The following HSD17B3 variants were observed in gnomAD, a reference collection of about 807,000 sequenced individuals.
HSD17B3 encodes the protein hydroxysteroid 17-beta dehydrogenase 3.
A neutral mutation model predicts 41.1 loss-of-function variants in HSD17B3; 29 were observed. That is an observed-to-expected ratio of 0.71 (90% CI 0.53 to 0.96). HSD17B3 has a LOEUF of 0.96. HSD17B3 is among the 40% of genes least tolerant of loss of function. The probability of loss-of-function intolerance (pLI) is 0.00; values close to 1 mark genes in which losing one functional copy is unlikely to be tolerated. For missense variants in HSD17B3, 323 were observed against 374.6 expected, an observed-to-expected ratio of 0.86 and a Z score of 1.14; for synonymous variants, 126 against 145.6, an observed-to-expected ratio of 0.87 and a Z score of 0.97.
chr9:96,242,364 A>T (rs1836491495), intron 9 of HSD17B3, among the ~76,000 whole-genome samples: 1 of 152,214 alleles, frequency 6.6e-6, no homozygotes. Flanking sequence ...AAACATATGT[A>T]CTTATTTCTT....
intron 9 of HSD17B3, among the ~76,000 whole-genome samples, chr9:96,241,670 C>G (rs1836443215): frequency 6.6e-6 from 1 of 152,138 alleles, no homozygotes; most frequent in African/African-American, 2.4e-5. Context: ...CATGGTGACT[C>G]ATGCCTGTAA....
chr9:96,290,456 C>CTTTTTTTT (rs61373611), intron 2 of HSD17B3, among the ~76,000 whole-genome samples: 2 of 78,416 alleles, frequency 2.6e-5, no homozygotes, highest in Non-Finnish European at 4.3e-5. Context: ...ATTTCCTGGG[C>CTTTTTTTT]TTTTTTTTTT....
At chr9:96,277,394 T>TA (rs540059292) in intron 2 of HSD17B3, among the ~76,000 whole-genome samples, 83 of 152,020 alleles carry the variant, frequency 5.5e-4, no homozygotes, top group Non-Finnish European at 8.1e-4. Flanking sequence ...AACGTGATTT[T>TA]AAAAAAGGAA....
At chr9:96,291,879 C>T (rs1485008774) in intron 2 of HSD17B3, among the ~76,000 whole-genome samples, 1 of 151,994 alleles carries the variant, frequency 6.6e-6, no homozygotes, top group Non-Finnish European at 1.5e-5. Context: ...ATCACTTGAA[C>T]CCGGGAGGCA....
intron 2 of HSD17B3, among the ~76,000 whole-genome samples, chr9:96,270,902 T>C (rs776273519): frequency 2.2e-5 from 3 of 139,114 alleles, no homozygotes; most frequent in Non-Finnish European, 4.6e-5. Flanking sequence ...AAAGTAAAAT[T>C]AATAATATTT....
intron 6 of HSD17B3, chr9:96,249,513 G>A: frequency 1.7e-6 from 1 of 580,222 alleles, no homozygotes; most frequent in Admixed American, 2.9e-5. Flanking sequence ...GTTCCAACGT[G>A]TGACAAAACT....
chr9:96,265,192 G>C (rs1587746480), intron 2 of HSD17B3, among the ~76,000 whole-genome samples: 1 of 151,744 alleles, frequency 6.6e-6, no homozygotes, highest in Non-Finnish European at 1.5e-5. Context: ...TAGCTTGACA[G>C]AGAAGCTGAC....
intron 2 of HSD17B3, among the ~76,000 whole-genome samples, chr9:96,290,367 T>C (rs1343889854): frequency 4.8e-5 from 7 of 144,886 alleles, no homozygotes; most frequent in Admixed American, 7.0e-5. Context: ...ACACAATACA[T>C]AAAACAAAGA....
intron 2 of HSD17B3, among the ~76,000 whole-genome samples, chr9:96,263,462 A>G (rs2130748220): frequency 6.6e-6 from 1 of 152,258 alleles, no homozygotes; most frequent in East Asian, 1.9e-4. Context: ...TCACGCCTGT[A>G]ATCCCAGCAC....
intron 2 of HSD17B3, among the ~76,000 whole-genome samples, chr9:96,260,727 T>C (rs994452132): frequency 6.6e-6 from 1 of 152,148 alleles, no homozygotes; most frequent in African/African-American, 2.4e-5. Context: ...ATCGCACCAC[T>C]GTACTCCAGC....
chr9:96,247,930 A>C (rs1420903219), intron 6 of HSD17B3, among the ~76,000 whole-genome samples: 4 of 152,242 alleles, frequency 2.6e-5, no homozygotes, highest in Admixed American at 2.6e-4. Flanking sequence ...TCATGCTTCT[A>C]ACCAGCATGG....
chr9:96,267,232 C>T (rs1255171947), intron 2 of HSD17B3, among the ~76,000 whole-genome samples: 2 of 150,904 alleles, frequency 1.3e-5, no homozygotes, highest in African/African-American at 4.9e-5. Flanking sequence ...TCTCGGCTCA[C>T]TGCAACCTCC....
At chr9:96,278,514 T>C (rs1481911462) in intron 2 of HSD17B3, among the ~76,000 whole-genome samples, 1 of 151,970 alleles carries the variant, frequency 6.6e-6, no homozygotes, top group African/African-American at 2.4e-5. Flanking sequence ...TTGAAATGGG[T>C]GTGGGGATGT....
intron 10 of HSD17B3, 94 bp downstream of exon 10, chr9:96,240,664 G>A (rs758221915): frequency 2.2e-5 from 28 of 1,254,162 alleles, no homozygotes; most frequent in Non-Finnish European, 3.0e-5. Flanking sequence ...ATCAATGAGT[G>A]CTCCAGCAGC....
chr9:96,244,145 C>G (rs910443879), intron 9 of HSD17B3, 184 bp downstream of exon 9: 25 of 695,766 alleles, frequency 3.6e-5, no homozygotes, highest in Admixed American at 6.2e-5. Flanking sequence ...GCAGGTGGGA[C>G]TGAGGCGCCC....
intron 2 of HSD17B3, among the ~76,000 whole-genome samples, chr9:96,263,538 A>G (rs2130748359): frequency 6.9e-6 from 1 of 144,796 alleles, no homozygotes; most frequent in Admixed American, 7.2e-5. Flanking sequence ...TAACACAGTG[A>G]AACCCCGTCT....
In HSD17B3 at chr9:96,252,804, T is replaced by C; in HGVS notation, c.384A>G (p.Leu128=). Residue 128 remains leucine (L), a splice_region_variant and synonymous_variant, in exon 4 of 11, where the codon TTA becomes TTG. Coordinates refer to ENST00000375263, the MANE Select transcript of HSD17B3 (RefSeq NM_000197.2). ...EKLAGLEIGI[L]VNNVGMLPNL... is the part of the protein sequence containing the mutation. ...CTTTGCATCTTGCAATTTACTCACCTAAAATTCCAATTTCTAAGCCTGCAA... is the reference window on the plus strand; with the variant it reads ...CTTTGCATCTTGCAATTTACTCACCCAAAATTCCAATTTCTAAGCCTGCAA... 6.4e-7 allele frequency: 1 copy of C among 1,572,858 alleles called. No homozygotes were observed. The highest frequency in any genetic ancestry group is 8.8e-7 in the Non-Finnish European group (1 of 1,142,464).
chr9:96,258,143 A>G (rs1165399267), intron 2 of HSD17B3, among the ~76,000 whole-genome samples: 1 of 152,204 alleles, frequency 6.6e-6, no homozygotes, highest in Non-Finnish European at 1.5e-5. Flanking sequence ...CCATGTACAT[A>G]GCAAGTATTT....
Position 96,254,902 on chromosome 9 carries a change from C to T in HSD17B3, c.243G>A (p.Thr81=), listed in dbSNP as rs138995019. 3.2e-5 allele frequency: 51 copies of T among 1,613,934 alleles called. No individual in the cohort carries two copies. Among genetic ancestry groups the T allele is most frequent in the Non-Finnish European group, 3.6e-5 (43 of 1,180,000 alleles). Residue 81 remains threonine, a synonymous_variant, in exon 3 of 11, where the codon ACG becomes ACA. Coordinates refer to ENST00000375263, the MANE Select transcript of HSD17B3 (RefSeq NM_000197.2). ...TGGCAATGGCCTCTAGTTTTTCCAG[C>T]GTCCGGCTAATAAGGACAACATTGA... ...RGLNVVLISR[T]LEKLEAIATE... is the part of the protein sequence containing the mutation.
Sources: gnomAD v4.1 joint callset for allele counts (sites outside exome capture counted in the v4.1 genomes callset) on GRCh38, gnomAD v4.1.1 for gene constraint, MANE v1.5 for transcripts, NCBI Gene and HGNC (gene_info 2026-07-23, HGNC 2026-07-21) for gene names.